PPP2R2C: variants seen among roughly 807,000 people sequenced by gnomAD.
PPP2R2C encodes the protein protein phosphatase 2, regulatory subunit B, gamma.
Under a neutral mutation model 45.3 loss-of-function variants are expected in PPP2R2C, and 10 were observed. That is an observed-to-expected ratio of 0.22 (90% CI 0.14 to 0.37). The LOEUF (loss-of-function observed/expected upper bound fraction) is 0.37. Ranked by LOEUF, PPP2R2C falls within the 10% of genes least tolerant of loss-of-function variation. The pLI, the probability that PPP2R2C is intolerant of heterozygous loss-of-function variation, is 1.00. For synonymous variants in PPP2R2C, 257 were observed against 245.4 expected (o/e 1.05, Z -0.44); for missense variants, 308 against 619.7 (o/e 0.50, Z 5.34).
chr4:6,518,319 A>C (rs1397284649), intron 2 of PPP2R2C, among the ~76,000 whole-genome samples: 1 of 152,216 alleles, frequency 6.6e-6, no homozygotes, highest in Admixed American at 6.5e-5. Context: ...AATAAATAAA[A>C]TTGAAAACAA....
intron 1 of PPP2R2C, among the ~76,000 whole-genome samples, chr4:6,538,971 T>A (rs1161918575): frequency 1.3e-5 from 2 of 152,192 alleles, no homozygotes; most frequent in African/African-American, 4.8e-5. Context: ...CTTCTGACTT[T>A]CCACCAGGAA....
chr4:6,366,369 G>C (rs1302737233), intron 5 of PPP2R2C, among the ~76,000 whole-genome samples: 3 of 152,224 alleles, frequency 2.0e-5, no homozygotes, highest in Non-Finnish European at 1.5e-5. Flanking sequence ...GATCAAAAAG[G>C]AGGTGTCTGT....
rs575545609 is a variant in PPP2R2C, at chr4:6,327,354, G to C, written c.1052+1908C>G. Among the ~76,000 whole-genome samples, 78 of 152,284 alleles carry C rather than the reference G, an allele frequency of 5.1e-4. No individual in the cohort carries two copies. The Middle Eastern group carries it at 0.01, about 20-fold the overall frequency. On this transcript the variant is annotated intron_variant, in intron 8 of 8. Transcript: ENST00000382599. ...AGTGCACGCAGGAAGTGGCGGGTGG[G>C]AGGCAGGACAGGAGAGCCCAGGCCT...
chr4:6,333,160 G>A (rs1300784306), intron 7 of PPP2R2C, among the ~76,000 whole-genome samples: 1 of 152,184 alleles, frequency 6.6e-6, no homozygotes, highest in Non-Finnish European at 1.5e-5. Flanking sequence ...GCTTACGGAT[G>A]CACCCTGGGA....
chr4:6,480,327 A>G (rs1163884276), intron 2 of PPP2R2C, among the ~76,000 whole-genome samples: 1 of 152,182 alleles, frequency 6.6e-6, no homozygotes, highest in Non-Finnish European at 1.5e-5. Context: ...AAAACAATCA[A>G]TGGTGTGCCG....
intron 2 of PPP2R2C, among the ~76,000 whole-genome samples, chr4:6,521,718 T>C (rs553911928): frequency 1.3e-5 from 2 of 152,272 alleles, no homozygotes; most frequent in South Asian, 4.1e-4. Context: ...CCGGTCCCCT[T>C]TCCAGGGGGC....
Position 6,412,633 on chromosome 4 carries a change from T to C in PPP2R2C, c.71-31539A>G, listed in dbSNP as rs193059604. ...TGTGGATGTTACAATGTATCTTCTC[T>C]TATGAATCCGGCAGCACCCTCATTT... On this transcript the variant is annotated intron_variant, in intron 1 of 8. Coordinates refer to ENST00000382599, the MANE Select transcript of PPP2R2C (RefSeq NM_020416.4). 1.3e-4 allele frequency among the ~76,000 whole-genome samples: 20 copies of C among 152,352 alleles called. 1 individual carries two copies. In the East Asian group the frequency reaches 3.9e-3, roughly 29 times the overall value.
rs116027540 is a variant in PPP2R2C, at chr4:6,410,328, C to T, written c.71-29234G>A. Among the ~76,000 whole-genome samples the T allele has an allele frequency of 7.1e-3, 1,084 of 152,230 alleles. 14 individuals carry two copies. The highest frequency in any genetic ancestry group is 0.025 in the African/African-American group (1,024 of 41,542). ...GTGTGATTTAATTAGCCCTCTGTTC[C>T]GGGTATGCCCTCGTCACCCATCATG... On this transcript the variant is annotated intron_variant, in intron 1 of 8. Coordinates refer to ENST00000382599, the MANE Select transcript of PPP2R2C (RefSeq NM_020416.4).
At chr4:6,549,665 C>A (rs964910072) in intron 1 of PPP2R2C, among the ~76,000 whole-genome samples, 3 of 152,204 alleles carry the variant, frequency 2.0e-5, no homozygotes, top group African/African-American at 7.2e-5. Flanking sequence ...GGCTGTGTGA[C>A]CTCACGTAAC....
chr4:6,494,304 G>T (rs1221260274), intron 2 of PPP2R2C, among the ~76,000 whole-genome samples: 1 of 152,228 alleles, frequency 6.6e-6, no homozygotes, highest in African/African-American at 2.4e-5. Flanking sequence ...TGGTCCGCTG[G>T]GTGGGTTAAT....
intron 5 of PPP2R2C, among the ~76,000 whole-genome samples, chr4:6,371,230 C>T (rs948874094): frequency 6.6e-6 from 1 of 152,230 alleles, no homozygotes; most frequent in African/African-American, 2.4e-5. Flanking sequence ...ACACATGTGC[C>T]CCGCACCCTC....
At chr4:6,383,717 T>C (rs1716023567) in intron 1 of PPP2R2C, 1 of 734,492 alleles carries the variant, frequency 1.4e-6, no homozygotes, top group Non-Finnish European at 1.8e-6. Flanking sequence ...AAGGCTTTTA[T>C]CATCTGTAGG....
chr4:6,410,853 AT>A (rs760684369), intron 1 of PPP2R2C, among the ~76,000 whole-genome samples: 37 of 140,746 alleles, frequency 2.6e-4, no homozygotes, highest in Admixed American at 1.8e-3. Flanking sequence ...TTATTTATTT[AT>A]TTATTTATTT....
Position 6,348,104 on chromosome 4 carries a change from G to A in PPP2R2C, c.626-94C>T, listed in dbSNP as rs750363355. On this transcript the variant is annotated intron_variant, in intron 5 of 8. Coordinates refer to ENST00000382599, the MANE Select transcript of PPP2R2C (RefSeq NM_020416.4). ...CTGACACCTCTCCCGAGGCAAAACC[G>A]TCCACCCTCGCGTCTGAGCTGCCTC... is the stretch of plus-strand genomic sequence containing the variant. 6.0e-5 allele frequency: 85 copies of A among 1,422,082 alleles called. 1 individual carries two copies. Among genetic ancestry groups the A allele is most frequent in the Admixed American group, 2.9e-4 (16 of 55,320 alleles). The allele number at this position is 1,422,082 out of a possible 1,614,324, so 88.1% of individuals were successfully genotyped here.
At chr4:6,339,320 C>A (rs903865875) in intron 6 of PPP2R2C, among the ~76,000 whole-genome samples, 1 of 152,234 alleles carries the variant, frequency 6.6e-6, no homozygotes, top group Admixed American at 6.5e-5. Flanking sequence ...CTAGCACAGA[C>A]CCTGCCTCAT....
At chr4:6,537,073 G>C (rs562918326) in intron 1 of PPP2R2C, among the ~76,000 whole-genome samples, 5 of 151,998 alleles carry the variant, frequency 3.3e-5, no homozygotes, top group Non-Finnish European at 7.4e-5. Flanking sequence ...CGTGGTGGTG[G>C]GCACCTGTAG....
chr4:6,331,606 C>G lies in PPP2R2C; in HGVS notation c.960+1956G>C, dbSNP rs1732417640. Among the ~76,000 whole-genome samples the G allele has an allele frequency of 6.6e-6, 1 of 152,216 alleles. No homozygotes were observed. The highest frequency in any genetic ancestry group is 1.5e-5 in the Non-Finnish European group (1 of 68,034). ...TTTACAATCACAGTGAAACACGCAACAGACCCCAGGGGTGAGATCTAGTGC... is the reference window on the plus strand; with the variant it reads ...TTTACAATCACAGTGAAACACGCAAGAGACCCCAGGGGTGAGATCTAGTGC... On this transcript the variant is annotated intron_variant, in intron 7 of 8. Coordinates refer to ENST00000382599, the MANE Select transcript of PPP2R2C (RefSeq NM_020416.4). The surrounding 1 kb of genome is among the most constrained non-coding windows in gnomAD (Gnocchi z 5.9).
Position 6,384,399 on chromosome 4 carries a change from A to G in PPP2R2C, c.71-3305T>C, listed in dbSNP as rs895442239. ...AATTCTCCAAAATGTGAACGGAGGTAGCTTTAGGGTAGCTGGAACAAAATA... is the reference window on the plus strand; with the variant it reads ...AATTCTCCAAAATGTGAACGGAGGTGGCTTTAGGGTAGCTGGAACAAAATA... On this transcript the variant is annotated intron_variant, in intron 1 of 8. Coordinates refer to ENST00000382599, the MANE Select transcript of PPP2R2C (RefSeq NM_020416.4). The G allele has an allele frequency of 7.1e-6, 7 of 985,108 alleles. No individual in the cohort carries two copies. The Admixed American group carries it at 3.1e-4, about 43-fold the overall frequency. The allele number at this position is 985,108 out of a possible 1,614,324, so 61.0% of individuals were successfully genotyped here. A position where few individuals can be genotyped will look rare whatever the true frequency, so the allele number is the denominator to read the frequency against.
At chr4:6,459,884 G>C (rs895248341) in intron 1 of PPP2R2C, among the ~76,000 whole-genome samples, 1 of 152,162 alleles carries the variant, frequency 6.6e-6, no homozygotes, top group Non-Finnish European at 1.5e-5. Flanking sequence ...AAAGGGAGTT[G>C]TTAGTACCAA....
Sources: gnomAD v4.1 joint callset for allele counts (sites outside exome capture counted in the v4.1 genomes callset) on GRCh38, gnomAD v4.1.1 for gene constraint, Gnocchi (gnomAD v3.1) non-coding constraint, MANE v1.5 for transcripts, NCBI Gene and HGNC (gene_info 2026-07-23, HGNC 2026-07-21) for gene names.